Variants in DPYD observed in about 807,000 individuals in gnomAD.
The protein encoded by DPYD is dihydropyrimidine dehydrogenase [NADP(+)].
Under a neutral mutation model 116.2 loss-of-function variants are expected in DPYD, and 109 were observed. The observed-to-expected ratio is 0.94, with a 90% CI of 0.80 to 1.10. DPYD has a LOEUF of 1.10. Ranked by LOEUF, DPYD falls within the 50% of genes least tolerant of loss-of-function variation. The pLI, the probability that DPYD is intolerant of heterozygous loss-of-function variation, is 0.00. For synonymous variants in DPYD, 440 were observed against 432.0 expected, an observed-to-expected ratio of 1.02 and a Z score of -0.23; for missense variants, 1,302 against 1,254.5, an observed-to-expected ratio of 1.04 and a Z score of -0.57.
chr1:97,369,901 C>G (rs1285908921), intron 16 of DPYD, among the ~76,000 whole-genome samples: 2 of 152,194 alleles, frequency 1.3e-5, no homozygotes, highest in South Asian at 2.1e-4. Flanking sequence ...AAGCGAGCAG[C>G]ATTAGTTAGG....
intron 5 of DPYD, 101 bp from the exon 6 acceptor site, chr1:97,699,648 G>T: frequency 8.7e-7 from 1 of 1,153,116 alleles, no homozygotes; most frequent in Non-Finnish European, 1.3e-6. Flanking sequence ...AAATAGCAAT[G>T]AGCAGTACAT....
chr1:97,577,804 C>CTTA lies in DPYD; in HGVS notation c.1129-3837_1129-3835dup, dbSNP rs576507741. 5.0e-4 allele frequency among the ~76,000 whole-genome samples: 76 copies of CTTA among 151,842 alleles called. 4 individuals are homozygous for CTTA. In the South Asian group the frequency reaches 0.015, roughly 31 times the overall value. ...TTATTTGTCTTGTTATAAGTATTGT[C>CTTA]TTATTATTTTTGTTATTTTTTATTT... On this transcript the variant is annotated intron_variant, in intron 10 of 22. Coordinates refer to ENST00000370192, the MANE Select transcript of DPYD (RefSeq NM_000110.4).
intron 5 of DPYD, among the ~76,000 whole-genome samples, chr1:97,711,262 T>C (rs1484994242): frequency 6.6e-6 from 1 of 151,872 alleles, no homozygotes; most frequent in African/African-American, 2.4e-5. Context: ...CAAATATAGA[T>C]GAAAACGTTA....
chr1:97,691,892 G>T, intron 6 of DPYD, 94 bp from the exon 7 acceptor site: 1 of 947,484 alleles, frequency 1.1e-6, no homozygotes, highest in South Asian at 1.3e-5. Flanking sequence ...TTATGGATTA[G>T]TAGAAAATAA....
At chr1:97,916,374 C>T (rs2101718137) in intron 1 of DPYD, among the ~76,000 whole-genome samples, 1 of 152,218 alleles carries the variant, frequency 6.6e-6, no homozygotes, top group African/African-American at 2.4e-5. Context: ...GTTCCCCTTC[C>T]TGTGTTCATG....
chr1:97,656,182 G>A (rs749744023), intron 8 of DPYD, among the ~76,000 whole-genome samples: 2 of 152,046 alleles, frequency 1.3e-5, no homozygotes, highest in African/African-American at 4.8e-5. Context: ...TTCTACCTAC[G>A]GAGCAGTTGT....
Position 97,117,591 on chromosome 1 carries a change from G to C in DPYD, c.2623-18959C>G, listed in dbSNP as rs144550451. 3.1e-4 allele frequency among the ~76,000 whole-genome samples: 47 copies of C among 152,300 alleles called. No individual in the cohort carries two copies. The East Asian group carries it at 8.5e-3, about 28-fold the overall frequency. On this transcript the variant is annotated intron_variant, in intron 20 of 22. Transcript: ENST00000370192. ...TTGCAAGAAACTTTTAGTGTCGCTAGAATGTCGAAGATGCAATTTATCATA... is the reference window on the plus strand; with the variant it reads ...TTGCAAGAAACTTTTAGTGTCGCTACAATGTCGAAGATGCAATTTATCATA...
chr1:97,840,075 C>G (rs1370390335), intron 2 of DPYD, among the ~76,000 whole-genome samples: 1 of 151,922 alleles, frequency 6.6e-6, no homozygotes, highest in Non-Finnish European at 1.5e-5. Context: ...TTTGGCCACA[C>G]AATAGTTTGT....
chr1:97,388,684 G>T (rs551669626), intron 14 of DPYD, among the ~76,000 whole-genome samples: 1 of 152,238 alleles, frequency 6.6e-6, no homozygotes, highest in Admixed American at 6.5e-5. Context: ...TGAGTGAATA[G>T]AATATGAAGA....
At chr1:97,318,934 A>G (rs1410237261) in intron 16 of DPYD, among the ~76,000 whole-genome samples, 1 of 138,920 alleles carries the variant, frequency 7.2e-6, no homozygotes, top group Admixed American at 7.5e-5. Flanking sequence ...ATCTCACTCA[A>G]AGCCGCTCAA....
At chr1:97,494,858 T>C (rs1046577312) in intron 13 of DPYD, among the ~76,000 whole-genome samples, 10 of 152,024 alleles carry the variant, frequency 6.6e-5, no homozygotes, top group African/African-American at 9.7e-5. Context: ...TGAGGATGAA[T>C]TGTATTCTCA....
chr1:97,739,666 T>C (rs1385126499), intron 4 of DPYD, among the ~76,000 whole-genome samples: 1 of 152,090 alleles, frequency 6.6e-6, no homozygotes, highest in Non-Finnish European at 1.5e-5. Context: ...ATTCTCTGTA[T>C]CTTTATGGGA....
intron 13 of DPYD, among the ~76,000 whole-genome samples, chr1:97,502,021 T>C (rs1011863778): frequency 1.3e-5 from 2 of 152,018 alleles, no homozygotes; most frequent in African/African-American, 4.8e-5. Flanking sequence ...ATCTCGAGAT[T>C]TCATGACTTG....
At chr1:97,080,580 C>A (rs1392207602) in intron 22 of DPYD, among the ~76,000 whole-genome samples, 1 of 152,096 alleles carries the variant, frequency 6.6e-6, no homozygotes, top group Non-Finnish European at 1.5e-5. Flanking sequence ...TATCTGTCCA[C>A]ACAAATTGGT....
At chr1:97,270,051 T>C (rs762171994) in intron 18 of DPYD, among the ~76,000 whole-genome samples, 1 of 152,172 alleles carries the variant, frequency 6.6e-6, no homozygotes, top group African/African-American at 2.4e-5. Context: ...CGGAGGGACA[T>C]AGGTTATAAG....
At chr1:97,382,280 T>C in intron 15 of DPYD, 113 bp downstream of exon 15, 1 of 543,942 alleles carries the variant, frequency 1.8e-6, no homozygotes. Flanking sequence ...TTAAGTTACA[T>C]TTTCAATTCA....
intron 12 of DPYD, among the ~76,000 whole-genome samples, chr1:97,547,429 C>A (rs1557788985): frequency 1.3e-5 from 2 of 152,160 alleles, no homozygotes; most frequent in African/African-American, 4.8e-5. Context: ...CCTTCAGTCA[C>A]TGCAAAGACT....
chr1:97,865,963 A>G (rs1040711175), intron 2 of DPYD, among the ~76,000 whole-genome samples: 1 of 151,988 alleles, frequency 6.6e-6, no homozygotes, highest in African/African-American at 2.4e-5. Flanking sequence ...AAAGAAGACT[A>G]AGACACAATT....
At chr1:97,763,052 G>C (rs1258639406) in intron 3 of DPYD, among the ~76,000 whole-genome samples, 1 of 151,984 alleles carries the variant, frequency 6.6e-6, no homozygotes. Flanking sequence ...TAAATATTTT[G>C]CTATCCTCAT....
Sources: gnomAD v4.1 joint callset for allele counts (sites outside exome capture counted in the v4.1 genomes callset) on GRCh38, gnomAD v4.1.1 for gene constraint, MANE v1.5 for transcripts, NCBI Gene and HGNC (gene_info 2026-07-23, HGNC 2026-07-21) for gene names.